Variants in SUCO observed in about 807,000 individuals in gnomAD.
SUCO encodes SUN domain-containing ossification factor.
A neutral mutation model predicts 148.1 loss-of-function variants in SUCO; 57 were observed. That is an observed-to-expected ratio of 0.38 (90% CI 0.31 to 0.48). The LOEUF (loss-of-function observed/expected upper bound fraction) is 0.48, where lower values mean the gene tolerates loss of function less well. Among genes scored for constraint, SUCO ranks in the 20% least tolerant of loss-of-function variants. The pLI, the probability that SUCO is intolerant of heterozygous loss-of-function variation, is 0.96. For synonymous variants in SUCO, 470 were observed against 502.7 expected, an observed-to-expected ratio of 0.93 and a Z score of 0.87; for missense variants, 1,331 against 1,468.2, an observed-to-expected ratio of 0.91 and a Z score of 1.53.
At chr1:172,586,474 T>C (rs1656255327) in intron 17 of SUCO, among the ~76,000 whole-genome samples, 1 of 152,194 alleles carries the variant, frequency 6.6e-6, no homozygotes, top group Admixed American at 6.5e-5. Context: ...TGTATCTAAA[T>C]AGGTAATAGA....
chr1:172,600,102 A>G lies in SUCO; in HGVS notation c.2952A>G (p.Ala984=). ...RQTEAIQLLQ[A]QLTNMTQLVS... ...CTGAAGCCATCCAGTTGCTACAGGC[A>G]CAGCTGACCAACATGACACAGCTTG... The change falls in exon 20 of 24, where the codon GCA becomes GCG. Residue 984 remains alanine, a synonymous_variant. Coordinates refer to ENST00000263688, the MANE Select transcript of SUCO (RefSeq NM_014283.5). 1.2e-6 allele frequency: 2 copies of G among 1,610,454 alleles called. No individual in the cohort carries two copies. Among genetic ancestry groups the G allele is most frequent in the African/African-American group, 1.3e-5 (1 of 74,854 alleles).
intron 12 of SUCO, 45 bp downstream of exon 12, chr1:172,577,604 G>A (rs532245748): frequency 5.1e-5 from 82 of 1,600,706 alleles, no homozygotes; most frequent in South Asian, 4.8e-4. Flanking sequence ...AGGGCATGGC[G>A]TATTAATGCA....
chr1:172,580,822 C>G (rs1274999329), intron 15 of SUCO, among the ~76,000 whole-genome samples: 1 of 152,172 alleles, frequency 6.6e-6, no homozygotes, highest in African/African-American at 2.4e-5. Context: ...TAACCATAGG[C>G]CAGGCACAGC....
At chr1:172,565,313 A>T (rs971855285) in intron 6 of SUCO, among the ~76,000 whole-genome samples, 1 of 152,204 alleles carries the variant, frequency 6.6e-6, no homozygotes, top group African/African-American at 2.4e-5. Context: ...TTTGACCAAG[A>T]GGGGCAGTTA....
chr1:172,605,711 GC>G (rs1366850785), intron 22 of SUCO, among the ~76,000 whole-genome samples: 3 of 151,778 alleles, frequency 2.0e-5, no homozygotes, highest in Non-Finnish European at 4.4e-5. Context: ...TAGTTCACTT[GC>G]AGATTATTTT....
intron 9 of SUCO, among the ~76,000 whole-genome samples, chr1:172,571,139 G>A (rs575756947): frequency 2.6e-5 from 4 of 152,250 alleles, no homozygotes; most frequent in Admixed American, 2.6e-4. Context: ...CTGCCATCTC[G>A]GCACACTGCA....
chr1:172,535,337 T>C (rs1651928349), intron 1 of SUCO, among the ~76,000 whole-genome samples: 1 of 152,234 alleles, frequency 6.6e-6, no homozygotes, highest in African/African-American at 2.4e-5. Flanking sequence ...CTGCCAAATT[T>C]AGAGACATTT....
In SUCO at chr1:172,553,275, C is replaced by A. The variant is rs2149229344; in HGVS notation, c.193C>A (p.Pro65Thr). ...QFQKKDEREGPINAESLGKSG... is the reference protein window; with the variant it reads ...QFQKKDEREGTINAESLGKSG... ...TGTTATATAGGATGAAAGAGAGGGA[C>A]CTATCAATGCCGAATCATTGGGAAA... Residue 65 changes from proline (P) to threonine (T), a missense_variant, in exon 3 of 24, where the codon CCT becomes ACT. Transcript: ENST00000263688. 1 of 1,589,208 alleles carries A rather than the reference C, an allele frequency of 6.3e-7. No homozygotes were observed. The highest frequency in any genetic ancestry group is 8.6e-7 in the Non-Finnish European group (1 of 1,164,356).
intron 6 of SUCO, chr1:172,568,399 A>T: frequency 3.1e-6 from 3 of 971,602 alleles, no homozygotes; most frequent in Non-Finnish European, 3.7e-6. Flanking sequence ...TACTTCTCTC[A>T]GTGTGTGACT....
At chr1:172,571,650 TGAG>T (rs1305141205) in intron 9 of SUCO, among the ~76,000 whole-genome samples, 4 of 126,602 alleles carry the variant, frequency 3.2e-5, no homozygotes, top group Non-Finnish European at 5.0e-5. Context: ...ATCTATGAAG[TGAG>T]GAGCTTCTCT....
chr1:172,609,752 T>C (rs897516555), intron 23 of SUCO, 64 bp from the exon 24 acceptor site: 2 of 1,535,806 alleles, frequency 1.3e-6, no homozygotes, highest in East Asian at 2.3e-5. Context: ...CTCAGCTCTC[T>C]AGGTGTTTGA....
intron 6 of SUCO, among the ~76,000 whole-genome samples, chr1:172,566,832 T>C (rs937664177): frequency 1.7e-4 from 26 of 152,346 alleles, no homozygotes; most frequent in African/African-American, 6.0e-4. Context: ...CAGAAACTGC[T>C]CCTGACCTGT....
chr1:172,571,117 A>AG (rs1365873003), intron 9 of SUCO, among the ~76,000 whole-genome samples: 2 of 152,210 alleles, frequency 1.3e-5, no homozygotes, highest in African/African-American at 4.8e-5. Flanking sequence ...TGTAAGAATA[A>AG]GGGGGGTACT....
rs73034014 is a variant in SUCO at position 172,561,287 on chromosome 1, T to C, written c.732+3493T>C. ...GGTGGGGAGGTTCAGGTGGATTTCA[T>C]TCAGTGGGGGGAGTTCATTCCACTT... is the stretch of plus-strand genomic sequence containing the variant. On this transcript the variant is annotated intron_variant, in intron 6 of 23. Coordinates refer to ENST00000263688, the MANE Select transcript of SUCO (RefSeq NM_014283.5). 3.6e-3 allele frequency among the ~76,000 whole-genome samples: 545 copies of C among 152,302 alleles called. 3 individuals carry two copies. Among genetic ancestry groups the C allele is most frequent in the African/African-American group, 0.011 (477 of 41,552 alleles).
intron 19 of SUCO, among the ~76,000 whole-genome samples, chr1:172,592,993 C>A (rs1272574714): frequency 6.6e-6 from 1 of 152,124 alleles, no homozygotes; most frequent in Non-Finnish European, 1.5e-5. Flanking sequence ...CCTTCACATC[C>A]CTTTTAAGTT....
Position 172,579,242 on chromosome 1 carries a change from A to G in SUCO, c.1473A>G (p.Ser491=), listed in dbSNP as rs777856586. 5.0e-6 allele frequency: 8 copies of G among 1,600,554 alleles called. No homozygotes were observed. Among genetic ancestry groups the G allele is most frequent in the Non-Finnish European group, 5.1e-6 (6 of 1,169,840 alleles). Reference sequence around the variant, plus strand: ...ATAATACTGGAGAGGATAAATCCTCAAAAAATCTTCTTGGTTCTGCTACAA... The same window carrying G: ...ATAATACTGGAGAGGATAAATCCTCGAAAAATCTTCTTGGTTCTGCTACAA... ...LDYNTGEDKS[S]KNLLGSATNA... The change falls in exon 15 of 24, where the codon TCA becomes TCG. Residue 491 remains serine, a synonymous_variant. Coordinates refer to ENST00000263688, the MANE Select transcript of SUCO (RefSeq NM_014283.5).
intron 19 of SUCO, among the ~76,000 whole-genome samples, chr1:172,594,041 G>A (rs1039374328): frequency 2.6e-5 from 4 of 151,918 alleles, no homozygotes; most frequent in Admixed American, 6.6e-5. Flanking sequence ...CATTTCTTCT[G>A]GATTTTCTAG....
chr1:172,568,991 T>C, intron 6 of SUCO, 28 bp from the exon 7 acceptor site: 1 of 1,539,434 alleles, frequency 6.5e-7, no homozygotes, highest in South Asian at 1.3e-5. Context: ...AAAGTTGAAG[T>C]CTTCTTACTT....
intron 1 of SUCO, among the ~76,000 whole-genome samples, chr1:172,545,917 C>CT (rs1489334046): frequency 2.8e-4 from 43 of 151,912 alleles, no homozygotes; most frequent in African/African-American, 9.7e-4. Flanking sequence ...TCCTTCCTTC[C>CT]TTCCTTTCCT....
Sources: allele counts gnomAD v4.1 joint callset (sites outside exome capture counted in the v4.1 genomes callset), GRCh38; gene constraint gnomAD v4.1.1; transcripts MANE v1.5; gene names NCBI Gene and HGNC (gene_info 2026-07-23, HGNC 2026-07-21).